RNF180: variants seen among roughly 807,000 people sequenced by gnomAD.
The protein encoded by RNF180 is E3 ubiquitin-protein ligase RNF180.
Under a neutral mutation model 59.2 loss-of-function variants are expected in RNF180, and 38 were observed. The observed-to-expected ratio is 0.64, with a 90% CI of 0.50 to 0.84. The LOEUF is 0.84. Ranked by LOEUF, RNF180 falls within the 40% of genes least tolerant of loss-of-function variation. The pLI is 0.00. For synonymous variants in RNF180, 262 were observed against 240.3 expected (o/e 1.09, Z -0.84); for missense variants, 705 against 700.9 (o/e 1.01, Z -0.07).
intron 4 of RNF180, among the ~76,000 whole-genome samples, chr5:64,216,682 A>G (rs1223900399): frequency 1.3e-5 from 2 of 152,178 alleles, no homozygotes; most frequent in Middle Eastern, 3.2e-3. Context: ...AGGGATGTAA[A>G]TGAGATTGAT....
chr5:64,231,787 G>A (rs1339440858), intron 5 of RNF180, among the ~76,000 whole-genome samples: 3 of 152,272 alleles, frequency 2.0e-5, no homozygotes, highest in South Asian at 2.1e-4. Context: ...AGGTGAATGC[G>A]TTTATTATTG....
At chr5:64,175,131 C>T (rs1359559279) in intron 1 of RNF180, among the ~76,000 whole-genome samples, 1 of 152,036 alleles carries the variant, frequency 6.6e-6, no homozygotes, top group Non-Finnish European at 1.5e-5. Context: ...CCACACCCGG[C>T]TAATTTTGTA....
intron 1 of RNF180, among the ~76,000 whole-genome samples, chr5:64,197,236 C>A (rs1751499728): frequency 6.6e-6 from 1 of 152,178 alleles, no homozygotes; most frequent in Non-Finnish European, 1.5e-5. Flanking sequence ...AGGGACTCAT[C>A]TTTCGTTCCT....
chr5:64,344,351 A>G (rs2112569053), intron 7 of RNF180, among the ~76,000 whole-genome samples: 1 of 152,192 alleles, frequency 6.6e-6, no homozygotes, highest in African/African-American at 2.4e-5. Context: ...GAAAAAAGGA[A>G]CATTTCATGG....
intron 5 of RNF180, among the ~76,000 whole-genome samples, chr5:64,290,573 A>G (rs1321496700): frequency 1.3e-5 from 2 of 152,078 alleles, no homozygotes; most frequent in African/African-American, 4.8e-5. Flanking sequence ...TATTGGGTAC[A>G]TATATATATT....
rs779227668 is a variant in RNF180, at chr5:64,213,750, A to C, written c.424A>C (p.Arg142=). The C allele has an allele frequency of 6.2e-7, 1 of 1,614,094 alleles. No homozygotes were observed. Among genetic ancestry groups the C allele is most frequent in the South Asian group, 1.1e-5 (1 of 91,086 alleles). The change falls in exon 4 of 8, where the codon AGA becomes CGA. Residue 142 remains arginine (R), a synonymous_variant. Transcript: ENST00000389100. ...RPSVKYLSHP[R]VQSGCDKEAL... is the part of the protein sequence containing the mutation. Reference sequence around the variant, plus strand: ...ATCAGTGAAATACTTGTCACATCCTAGAGTTCAGTCAGGTTGTGACAAGGA... The same window carrying C: ...ATCAGTGAAATACTTGTCACATCCTCGAGTTCAGTCAGGTTGTGACAAGGA...
intron 7 of RNF180, among the ~76,000 whole-genome samples, chr5:64,356,382 A>G (rs961489484): frequency 6.6e-6 from 1 of 151,922 alleles, no homozygotes; most frequent in Non-Finnish European, 1.5e-5. Context: ...TATCCAGACT[A>G]TATACTATAT....
chr5:64,172,734 C>A (rs1277726759), intron 1 of RNF180, among the ~76,000 whole-genome samples: 1 of 152,254 alleles, frequency 6.6e-6, no homozygotes, highest in Admixed American at 6.5e-5. Context: ...CCGTGTATTG[C>A]AGGAGAGTTG....
In RNF180 at chr5:64,213,973, C is replaced by G; in HGVS notation, c.647C>G (p.Thr216Ser). Residue 216 changes from threonine (T) to serine (S), a missense_variant, in exon 4 of 8, where the codon ACT becomes AGT. By Grantham distance (58) the Thr-to-Ser change is moderately conservative. Transcript: ENST00000389100. Reference sequence around the variant, plus strand: ...CAGCTTTTTGTTCCCCAGCTTGTGACTGGCAGATGCGCTACAAGAGCTTTT... The same window carrying G: ...CAGCTTTTTGTTCCCCAGCTTGTGAGTGGCAGATGCGCTACAAGAGCTTTT... ...KYQLFVPQLV[T>S]GRCATRAFHR... 1 of 1,613,986 alleles carries G rather than the reference C, an allele frequency of 6.2e-7. No individual in the cohort carries two copies. Among genetic ancestry groups the G allele is most frequent in the African/African-American group, 1.3e-5 (1 of 75,058 alleles).
intron 5 of RNF180, among the ~76,000 whole-genome samples, chr5:64,294,605 A>G (rs1742790086): frequency 6.6e-6 from 1 of 152,104 alleles, no homozygotes; most frequent in African/African-American, 2.4e-5. Flanking sequence ...AAAGCTAAAG[A>G]CCCTTTAACC....
chr5:64,362,122 G>A (rs902150052), intron 7 of RNF180, among the ~76,000 whole-genome samples: 2 of 151,384 alleles, frequency 1.3e-5, no homozygotes, highest in African/African-American at 4.8e-5. Flanking sequence ...GGGTACATGT[G>A]CAAGTTTGTT....
At chr5:64,265,284 G>A (rs180919333) in intron 5 of RNF180, among the ~76,000 whole-genome samples, 245 of 152,190 alleles carry the variant, frequency 1.6e-3, no homozygotes, top group African/African-American at 5.6e-3. Flanking sequence ...TGGTGTTTTA[G>A]TCATGAAGTC....
chr5:64,343,243 G>T (rs1051760521), intron 7 of RNF180, among the ~76,000 whole-genome samples: 1 of 151,776 alleles, frequency 6.6e-6, no homozygotes, highest in East Asian at 1.9e-4. Flanking sequence ...TAGAGAAAAA[G>T]AATAGATAAA....
Position 64,251,746 on chromosome 5 carries a change from T to A in RNF180, c.1227+34350T>A, listed in dbSNP as rs114759063. Reference sequence around the variant, plus strand: ...AAAACTTTTGAACTAACAAAAGAATTCAGTAACGATACAGAATACAAAATC... The same window carrying A: ...AAAACTTTTGAACTAACAAAAGAATACAGTAACGATACAGAATACAAAATC... On this transcript the variant is annotated intron_variant, in intron 5 of 7. Coordinates refer to ENST00000389100, the MANE Select transcript of RNF180 (RefSeq NM_001113561.2). 7.3e-3 allele frequency among the ~76,000 whole-genome samples: 1,113 copies of A among 152,200 alleles called. 16 individuals are homozygous for A. Among genetic ancestry groups the A allele is most frequent in the African/African-American group, 0.024 (992 of 41,474 alleles).
At chr5:64,200,661 A>C (rs1047380315) in intron 1 of RNF180, 147 bp from the exon 2 acceptor site, 1 of 599,670 alleles carries the variant, frequency 1.7e-6, no homozygotes, top group Non-Finnish European at 2.9e-6. Context: ...AGTGCCCCAA[A>C]CCTAAGACCT....
chr5:64,330,878 A>G (rs992808393), intron 7 of RNF180, among the ~76,000 whole-genome samples: 1 of 152,232 alleles, frequency 6.6e-6, no homozygotes, highest in Non-Finnish European at 1.5e-5. Context: ...CTACCCAGGC[A>G]AAGTTGCAGC....
At chr5:64,246,953 A>G (rs1239294429) in intron 5 of RNF180, among the ~76,000 whole-genome samples, 3 of 152,244 alleles carry the variant, frequency 2.0e-5, no homozygotes, top group African/African-American at 7.2e-5. Context: ...GCCTGGTTCA[A>G]CATATGCAAA....
intron 5 of RNF180, among the ~76,000 whole-genome samples, chr5:64,305,126 C>T (rs1743369868): frequency 6.6e-6 from 1 of 151,630 alleles, no homozygotes; most frequent in African/African-American, 2.4e-5. Flanking sequence ...GTAAACATAA[C>T]TTTTGTATGC....
Position 64,325,206 on chromosome 5 carries a change from T to TACAGATG in RNF180, c.1250_1256dup (p.Glu419AspfsTer3). The TACAGATG allele has an allele frequency of 6.5e-7, 1 of 1,550,324 alleles. No homozygotes were observed. Among genetic ancestry groups the TACAGATG allele is most frequent in the Non-Finnish European group, 8.7e-7 (1 of 1,145,658 alleles). On this transcript the variant is annotated frameshift_variant, in exon 6 of 8. Transcript: ENST00000389100. LOFTEE classifies it high-confidence loss of function. ...TGCAGACTTTGAATAATGAGATGAGTACAGATGAAGACAATGAATATGCAG... is the reference window on the plus strand; with the variant it reads ...TGCAGACTTTGAATAATGAGATGAGTACAGATGACAGATGAAGACAATGAATATGCAG...
Sources: allele counts gnomAD v4.1 joint callset (sites outside exome capture counted in the v4.1 genomes callset), GRCh38; gene constraint gnomAD v4.1.1; transcripts MANE v1.5; gene names NCBI Gene and HGNC (gene_info 2026-07-23, HGNC 2026-07-21).